The following DOCK1 variants were observed in gnomAD, a reference collection of about 807,000 sequenced individuals.
DOCK1 encodes the protein dedicator of cytokinesis 1.
DOCK1 carries 138 observed loss-of-function variants against 262.7 expected under a neutral mutation model. That is an observed-to-expected ratio of 0.53 (90% CI 0.46 to 0.61). DOCK1 has a LOEUF of 0.61. Ranked by LOEUF, DOCK1 falls within the 20% of genes least tolerant of loss-of-function variation. The probability of loss-of-function intolerance (pLI) is 0.00; values close to 1 mark genes in which losing one functional copy is unlikely to be tolerated. For missense variants in DOCK1, 1,908 were observed against 2,370.7 expected (o/e 0.80, Z 4.05); for synonymous variants, 866 against 867.4 (o/e 1.00, Z 0.03).
At chr10:127,105,727 G>A (rs2048490821) in intron 23 of DOCK1, among the ~76,000 whole-genome samples, 1 of 152,180 alleles carries the variant, frequency 6.6e-6, no homozygotes, top group Admixed American at 6.5e-5. Context: ...CCTGTGAGAA[G>A]TTAGCATTGT....
intron 22 of DOCK1, among the ~76,000 whole-genome samples, chr10:127,055,180 C>T (rs1347823189): frequency 6.6e-6 from 1 of 151,614 alleles, no homozygotes; most frequent in African/African-American, 2.4e-5. Flanking sequence ...TTTTTAGTCA[C>T]ATAATGTGCA....
intron 33 of DOCK1, among the ~76,000 whole-genome samples, chr10:127,362,967 ATACACATACACATACACATCCCCCCC>A: frequency 1.2e-5 from 1 of 85,746 alleles, no homozygotes; most frequent in East Asian, 3.4e-4. Flanking sequence ...GCATCCCCAC[ATACACATACACATACACATCCCCCCC>A]CACACACACA....
At chr10:127,101,260 C>G (rs1485881667) in intron 23 of DOCK1, among the ~76,000 whole-genome samples, 3 of 151,962 alleles carry the variant, frequency 2.0e-5, no homozygotes, top group African/African-American at 7.3e-5. Flanking sequence ...TTGAGAAGAG[C>G]AAAGAAAGAC....
At chr10:127,052,873 C>T in intron 22 of DOCK1, 58 bp downstream of exon 22, 1 of 1,554,814 alleles carries the variant, frequency 6.4e-7, no homozygotes, top group East Asian at 2.4e-5. Context: ...AGATCCTTCA[C>T]TTCTTTCCTT....
chr10:127,307,069 A>C (rs2061903285), intron 29 of DOCK1, among the ~76,000 whole-genome samples: 1 of 152,188 alleles, frequency 6.6e-6, no homozygotes, highest in Admixed American at 6.5e-5. Context: ...ATTACTTCTC[A>C]ATATATTACT....
intron 31 of DOCK1, among the ~76,000 whole-genome samples, chr10:127,350,309 C>G (rs1305224237): frequency 8.3e-6 from 1 of 119,858 alleles, no homozygotes; most frequent in East Asian, 2.3e-4. Context: ...ACGGTGCACC[C>G]CTCACCCCCT....
intron 23 of DOCK1, among the ~76,000 whole-genome samples, chr10:127,091,227 C>T (rs1002866729): frequency 6.6e-6 from 1 of 152,168 alleles, no homozygotes; most frequent in African/African-American, 2.4e-5. Flanking sequence ...TCGCGATCCG[C>T]CCGACTTGGC....
At chr10:126,912,600 C>T (rs2031951686) in intron 1 of DOCK1, among the ~76,000 whole-genome samples, 4 of 151,630 alleles carry the variant, frequency 2.6e-5, no homozygotes, top group Admixed American at 2.6e-4. Flanking sequence ...GTGGCGGGCG[C>T]CTGTGGTCCC....
intron 45 of DOCK1, among the ~76,000 whole-genome samples, 158 bp downstream of exon 45, chr10:127,418,699 C>T (rs75269306): frequency 0.048 from 7,300 of 152,326 alleles, 260 homozygotes; most frequent in Non-Finnish European, 0.071. Context: ...GTGGCGGCCC[C>T]TGAAGCCTGC....
At chr10:126,939,005 C>T (rs956612913) in intron 1 of DOCK1, among the ~76,000 whole-genome samples, 4,962 of 121,072 alleles carry the variant, frequency 0.041, 315 homozygotes, top group African/African-American at 0.15. Flanking sequence ...AGGGGACGAA[C>T]ACCGGAGGGG....
In DOCK1 at chr10:127,012,556, G is replaced by GC. The variant is rs2041541718; in HGVS notation, c.1201+185dup. Among the ~76,000 whole-genome samples, 1 of 151,794 alleles carries GC rather than the reference G, an allele frequency of 6.6e-6. No homozygotes were observed. Among genetic ancestry groups the GC allele is most frequent in the South Asian group, 2.1e-4 (1 of 4,816 alleles). On this transcript the variant is annotated intron_variant, in intron 12 of 51. Coordinates refer to ENST00000623213, the MANE Select transcript of DOCK1 (RefSeq NM_001290223.2). The surrounding 1 kb of genome is among the most constrained non-coding windows in gnomAD (Gnocchi z 4.0). ...GTGTACAGTGCATGATGGTTTTCTT[G>GC]CCCGTCACCTTTGTGAACATTGCTG...
intron 1 of DOCK1, among the ~76,000 whole-genome samples, chr10:126,936,575 CAGTG>C (rs1450103076): frequency 6.6e-6 from 1 of 152,162 alleles, no homozygotes; most frequent in Non-Finnish European, 1.5e-5. Context: ...AAACTGGTGA[CAGTG>C]AGATTTGGCT....
At chr10:126,942,842 G>C (rs1454069796) in intron 1 of DOCK1, among the ~76,000 whole-genome samples, 2 of 152,106 alleles carry the variant, frequency 1.3e-5, no homozygotes, top group African/African-American at 4.8e-5. Flanking sequence ...TGCTTAACTA[G>C]ATTACATGTT....
intron 3 of DOCK1, among the ~76,000 whole-genome samples, chr10:126,980,257 T>G (rs1350435058): frequency 1.3e-5 from 2 of 152,114 alleles, no homozygotes; most frequent in Non-Finnish European, 2.9e-5. Context: ...GGTGGCACGA[T>G]CATAGATCAC....
chr10:126,928,208 C>T (rs1182075562), intron 1 of DOCK1, among the ~76,000 whole-genome samples: 7 of 152,130 alleles, frequency 4.6e-5, no homozygotes, highest in African/African-American at 1.4e-4. Context: ...CCTCCCAGGT[C>T]GAATAAGGGC....
At chr10:127,244,375 C>T (rs1441059034) in intron 27 of DOCK1, among the ~76,000 whole-genome samples, 1 of 152,112 alleles carries the variant, frequency 6.6e-6, no homozygotes, top group East Asian at 1.9e-4. Flanking sequence ...ATGAAATTTT[C>T]TATTTTGAAT....
At chr10:127,068,133 G>A (rs555510241) in intron 23 of DOCK1, among the ~76,000 whole-genome samples, 1 of 152,216 alleles carries the variant, frequency 6.6e-6, no homozygotes, top group African/African-American at 2.4e-5. Flanking sequence ...CCTCCAAGAG[G>A]CACATTTTTT....
intron 33 of DOCK1, among the ~76,000 whole-genome samples, chr10:127,368,565 A>C (rs1373890710): frequency 6.6e-6 from 1 of 152,136 alleles, no homozygotes; most frequent in Admixed American, 6.5e-5. Context: ...TTTGTTTGAA[A>C]GGAGAGGTCC....
intron 18 of DOCK1, among the ~76,000 whole-genome samples, chr10:127,037,368 C>T (rs996744864): frequency 2.6e-5 from 4 of 152,226 alleles, no homozygotes; most frequent in African/African-American, 9.6e-5. Flanking sequence ...TATCCAGTGC[C>T]TGGGCAGCGC....
Sources: allele counts gnomAD v4.1 joint callset (sites outside exome capture counted in the v4.1 genomes callset), GRCh38; gene constraint gnomAD v4.1.1; non-coding constraint Gnocchi (gnomAD v3.1); transcripts MANE v1.5; gene names NCBI Gene and HGNC (gene_info 2026-07-23, HGNC 2026-07-21).